The following SLC25A21 variants were observed in gnomAD, a reference collection of about 807,000 sequenced individuals.
The protein encoded by SLC25A21 is mitochondrial 2-oxodicarboxylate carrier.
In SLC25A21, 47 loss-of-function variants were observed where a neutral mutation model predicts 43.8. The observed-to-expected ratio is 1.07, with a 90% CI of 0.85 to 1.37. The LOEUF (loss-of-function observed/expected upper bound fraction) is 1.37. Among genes scored for constraint, SLC25A21 ranks in the 40% most tolerant of loss-of-function variants. The pLI is 0.00. For synonymous variants in SLC25A21, 131 were observed against 121.3 expected (o/e 1.08, Z -0.52); for missense variants, 352 against 350.2 (o/e 1.00, Z -0.04).
chr14:36,889,179 G>GA (rs1473390652), intron 1 of SLC25A21, among the ~76,000 whole-genome samples: 1 of 152,132 alleles, frequency 6.6e-6, no homozygotes, highest in Non-Finnish European at 1.5e-5. Context: ...GCTTGTGGGG[G>GA]AAAAGAGGGA....
chr14:36,826,843 T>C (rs1888851646), intron 2 of SLC25A21, among the ~76,000 whole-genome samples: 1 of 152,148 alleles, frequency 6.6e-6, no homozygotes, highest in African/African-American at 2.4e-5. Flanking sequence ...TAGGCCCAGG[T>C]GGTCACTCTC....
At chr14:36,760,719 C>T (rs542485072) in intron 3 of SLC25A21, among the ~76,000 whole-genome samples, 4 of 152,270 alleles carry the variant, frequency 2.6e-5, no homozygotes, top group East Asian at 1.9e-4. Flanking sequence ...TGTCTAACTC[C>T]GTCACTCATG....
At chr14:36,761,304 G>C (rs1240131593) in intron 3 of SLC25A21, among the ~76,000 whole-genome samples, 3 of 152,200 alleles carry the variant, frequency 2.0e-5, no homozygotes, top group Non-Finnish European at 4.4e-5. Context: ...TTAGTGGCCT[G>C]CTCTGTGCCA....
intron 1 of SLC25A21, among the ~76,000 whole-genome samples, chr14:37,105,179 G>T (rs758694343): frequency 1.3e-5 from 2 of 152,164 alleles, no homozygotes; most frequent in Non-Finnish European, 2.9e-5. Flanking sequence ...ATAAACAAGT[G>T]TTTTTATCTG....
rs1476510548 is a variant in SLC25A21, at chr14:36,985,798, AT to A, written c.71-110795del. On this transcript the variant is annotated intron_variant, in intron 1 of 9. Coordinates refer to ENST00000331299, the MANE Select transcript of SLC25A21 (RefSeq NM_030631.4). ...AAAGATCCTTTTCTTATCTCCATGT[AT>A]TTATTCACTTATTTGTATCAGAGAG... Among the ~76,000 whole-genome samples the A allele has an allele frequency of 2.6e-4, 40 of 152,268 alleles. No individual in the cohort carries two copies. In the Middle Eastern group the frequency reaches 0.014, roughly 52 times the overall value.
chr14:36,868,166 C>A (rs748739002), intron 2 of SLC25A21, among the ~76,000 whole-genome samples: 1 of 151,996 alleles, frequency 6.6e-6, no homozygotes, highest in Non-Finnish European at 1.5e-5. Flanking sequence ...TTATTTGAAC[C>A]GCTGGAGAGT....
chr14:36,766,557 C>T (rs1484739076), intron 3 of SLC25A21, among the ~76,000 whole-genome samples: 2 of 152,064 alleles, frequency 1.3e-5, no homozygotes, highest in Non-Finnish European at 2.9e-5. Flanking sequence ...ATCCTTTTTT[C>T]CAATTTATCT....
At chr14:36,781,225 G>A (rs559446645) in intron 3 of SLC25A21, among the ~76,000 whole-genome samples, 56 of 152,162 alleles carry the variant, frequency 3.7e-4, no homozygotes, top group African/African-American at 1.3e-3. Flanking sequence ...AAGCTAAAGT[G>A]AATTTCTTGT....
At chr14:36,826,611 C>T (rs917109994) in intron 2 of SLC25A21, among the ~76,000 whole-genome samples, 4 of 152,220 alleles carry the variant, frequency 2.6e-5, no homozygotes, top group African/African-American at 9.6e-5. Context: ...AGGGGCCAAA[C>T]CATGAGTGAA....
chr14:36,965,071 A>T (rs1959581864), intron 1 of SLC25A21, among the ~76,000 whole-genome samples: 1 of 152,064 alleles, frequency 6.6e-6, no homozygotes, highest in African/African-American at 2.4e-5. Context: ...AAGAATCTGG[A>T]CCCATTGTCT....
chr14:36,854,919 T>C (rs1889851717), intron 2 of SLC25A21, among the ~76,000 whole-genome samples: 2 of 134,716 alleles, frequency 1.5e-5, no homozygotes, highest in African/African-American at 2.9e-5. Context: ...TTTGTTCTTT[T>C]CTGGGGCATG....
intron 1 of SLC25A21, among the ~76,000 whole-genome samples, chr14:36,893,509 T>C (rs1043807467): frequency 3.3e-5 from 5 of 152,216 alleles, no homozygotes; most frequent in African/African-American, 1.2e-4. Context: ...TTCACTCTGA[T>C]GGTAGTTTCT....
chr14:36,985,168 G>A (rs1307498925), intron 1 of SLC25A21, among the ~76,000 whole-genome samples: 10 of 143,674 alleles, frequency 7.0e-5, no homozygotes, highest in African/African-American at 2.6e-4. Flanking sequence ...ACACTCTGGG[G>A]ACTGTTGTGG....
At chr14:36,774,489 T>C (rs1886747421) in intron 3 of SLC25A21, among the ~76,000 whole-genome samples, 1 of 152,208 alleles carries the variant, frequency 6.6e-6, no homozygotes, top group South Asian at 2.1e-4. Flanking sequence ...TTAGGTAGAT[T>C]TTGATAATAT....
intron 1 of SLC25A21, among the ~76,000 whole-genome samples, chr14:37,121,059 G>A (rs755948037): frequency 1.3e-5 from 2 of 152,284 alleles, no homozygotes; most frequent in African/African-American, 2.4e-5. Flanking sequence ...TTAACCTTAA[G>A]TGACCTGAAG....
intron 2 of SLC25A21, among the ~76,000 whole-genome samples, chr14:36,842,495 C>G (rs1207032510): frequency 1.3e-5 from 2 of 152,262 alleles, no homozygotes; most frequent in African/African-American, 4.8e-5. Context: ...TGCAAAGTCA[C>G]AAAGGCTACA....
chr14:36,757,218 A>G (rs1885969872), intron 3 of SLC25A21, among the ~76,000 whole-genome samples: 1 of 152,150 alleles, frequency 6.6e-6, no homozygotes, highest in Non-Finnish European at 1.5e-5. Context: ...ATATTGCACC[A>G]CTGCTCTCCA....
intron 1 of SLC25A21, among the ~76,000 whole-genome samples, chr14:36,880,009 C>T (rs572749247): frequency 1.3e-5 from 2 of 152,206 alleles, no homozygotes; most frequent in Admixed American, 6.5e-5. Context: ...ACCATTTTCC[C>T]AGAAATCCTG....
At chr14:36,846,089 A>T (rs1889532162) in intron 2 of SLC25A21, among the ~76,000 whole-genome samples, 1 of 152,190 alleles carries the variant, frequency 6.6e-6, no homozygotes, top group Non-Finnish European at 1.5e-5. Context: ...GTGAAGAGTG[A>T]CTGATAGTGT....
Sources: allele counts gnomAD v4.1 joint callset (sites outside exome capture counted in the v4.1 genomes callset), GRCh38; gene constraint gnomAD v4.1.1; transcripts MANE v1.5; gene names NCBI Gene and HGNC (gene_info 2026-07-23, HGNC 2026-07-21).